The following GRM8 variants were observed in gnomAD, a reference collection of about 807,000 sequenced individuals.
The protein encoded by GRM8 is glutamate metabotropic receptor 8.
In GRM8, 47 loss-of-function variants were observed where a neutral mutation model predicts 87.2. That is an observed-to-expected ratio of 0.54 (90% CI 0.43 to 0.69). The LOEUF is 0.69. Ranked by LOEUF, GRM8 falls within the 30% of genes least tolerant of loss-of-function variation. GRM8 has a pLI of 0.00. For missense variants in GRM8, 1,019 were observed against 1,139.2 expected, an observed-to-expected ratio of 0.89 and a Z score of 1.52; for synonymous variants, 396 against 404.5, an observed-to-expected ratio of 0.98 and a Z score of 0.25.
intron 6 of GRM8, among the ~76,000 whole-genome samples, chr7:126,780,539 A>G (rs1304354170): frequency 5.9e-5 from 9 of 152,186 alleles, no homozygotes; most frequent in African/African-American, 1.9e-4. Context: ...TTGCTGTCAC[A>G]GAGTGACACT....
chr7:127,006,321 T>C lies in GRM8; in HGVS notation c.727+100175A>G, dbSNP rs17867731. 4.6e-3 allele frequency among the ~76,000 whole-genome samples: 693 copies of C among 152,136 alleles called. 2 individuals carry two copies. Among genetic ancestry groups the C allele is most frequent in the South Asian group, 0.016 (77 of 4,820 alleles). On this transcript the variant is annotated intron_variant, in intron 3 of 10. Transcript: ENST00000339582. ...TTCCTCTTCAGTTTTCCTCTCTCAA[T>C]TGGATCATTTCCATTTGCATGTAAA... is the stretch of plus-strand genomic sequence containing the variant.
At chr7:126,794,164 AT>A (rs1423821698) in intron 6 of GRM8, among the ~76,000 whole-genome samples, 12 of 151,916 alleles carry the variant, frequency 7.9e-5, no homozygotes, top group Non-Finnish European at 8.8e-5. Flanking sequence ...CACATAAAAA[AT>A]AAAATAAAAA....
At chr7:126,833,052 T>C (rs1045202394) in intron 6 of GRM8, among the ~76,000 whole-genome samples, 88 of 152,300 alleles carry the variant, frequency 5.8e-4, no homozygotes, top group African/African-American at 2.1e-3. Flanking sequence ...GTAAAGCAAA[T>C]TTAGTTAACC....
chr7:126,721,584 T>A (rs1812398556), intron 7 of GRM8, among the ~76,000 whole-genome samples: 1 of 152,168 alleles, frequency 6.6e-6, no homozygotes, highest in Admixed American at 6.6e-5. Flanking sequence ...CAATTTATTT[T>A]CACAGAACAT....
At chr7:126,994,907 G>T (rs1376477768) in intron 3 of GRM8, among the ~76,000 whole-genome samples, 1 of 152,128 alleles carries the variant, frequency 6.6e-6, no homozygotes, top group Non-Finnish European at 1.5e-5. Context: ...ATAGGTCGTA[G>T]TCAGGTAGCA....
intron 7 of GRM8, among the ~76,000 whole-genome samples, chr7:126,638,552 G>C (rs922913065): frequency 1.2e-4 from 18 of 152,316 alleles, no homozygotes; most frequent in African/African-American, 4.1e-4. Flanking sequence ...GCAGCCTAGA[G>C]TACTGGAAGG....
At chr7:126,712,794 A>G (rs1344107458) in intron 7 of GRM8, among the ~76,000 whole-genome samples, 1 of 152,234 alleles carries the variant, frequency 6.6e-6, no homozygotes. Flanking sequence ...ATATGAATAG[A>G]CACTTCTCAA....
intron 1 of GRM8, chr7:127,250,812 A>G (rs1038251189): frequency 1.3e-5 from 2 of 152,256 alleles, no homozygotes; most frequent in African/African-American, 4.8e-5. Flanking sequence ...AGTGGAAATT[A>G]CAGGCAAGTG....
chr7:127,054,822 T>C (rs1193048447), intron 3 of GRM8, among the ~76,000 whole-genome samples: 1 of 152,046 alleles, frequency 6.6e-6, no homozygotes, highest in Non-Finnish European at 1.5e-5. Flanking sequence ...TGTACAGATA[T>C]GGGTCAAGTT....
chr7:126,581,670 T>C (rs1377275401), intron 8 of GRM8, among the ~76,000 whole-genome samples: 1 of 152,132 alleles, frequency 6.6e-6, no homozygotes, highest in African/African-American at 2.4e-5. Context: ...TTTTTGCAAG[T>C]TGAATGCCGA....
chr7:127,230,885 G>A (rs1260576328), intron 2 of GRM8, among the ~76,000 whole-genome samples: 2 of 152,196 alleles, frequency 1.3e-5, no homozygotes, highest in African/African-American at 2.4e-5. Flanking sequence ...CTATAACAGA[G>A]CTGATTGAGA....
intron 7 of GRM8, among the ~76,000 whole-genome samples, chr7:126,749,105 C>T (rs1045497282): frequency 1.3e-5 from 2 of 152,006 alleles, no homozygotes; most frequent in African/African-American, 4.8e-5. Flanking sequence ...GAAACCTCGT[C>T]TCTAACCAAA....
chr7:126,574,097 T>C (rs1794912679), intron 8 of GRM8, among the ~76,000 whole-genome samples: 1 of 152,160 alleles, frequency 6.6e-6, no homozygotes, highest in Non-Finnish European at 1.5e-5. Flanking sequence ...CAAAAGAAAT[T>C]AAGAAGTAAA....
chr7:127,144,297 G>A (rs1198463811), intron 2 of GRM8, among the ~76,000 whole-genome samples: 2 of 152,104 alleles, frequency 1.3e-5, no homozygotes, highest in Non-Finnish European at 2.9e-5. Flanking sequence ...AAGCTCAGTA[G>A]GAGCAAAGAG....
intron 6 of GRM8, among the ~76,000 whole-genome samples, chr7:126,898,972 C>G (rs1801805139): frequency 6.6e-6 from 1 of 151,566 alleles, no homozygotes; most frequent in Admixed American, 6.6e-5. Flanking sequence ...ATGTTCCCCT[C>G]TCTGTGTCCA....
intron 9 of GRM8, among the ~76,000 whole-genome samples, chr7:126,446,956 G>A (rs779741236): frequency 9.2e-5 from 14 of 151,952 alleles, no homozygotes; most frequent in Middle Eastern, 3.4e-3. Flanking sequence ...AACACTTCCA[G>A]AAGGTTCTCA....
intron 7 of GRM8, among the ~76,000 whole-genome samples, chr7:126,753,651 A>T (rs1816685208): frequency 6.6e-6 from 1 of 151,882 alleles, no homozygotes; most frequent in Non-Finnish European, 1.5e-5. Flanking sequence ...TGAGGTACTT[A>T]TTAGGAGCTT....
chr7:126,586,908 A>G (rs576083359), intron 8 of GRM8, among the ~76,000 whole-genome samples: 3 of 152,322 alleles, frequency 2.0e-5, no homozygotes, highest in Admixed American at 2.0e-4. Context: ...ACAGAATAGG[A>G]GAAAATTTTT....
chr7:126,643,693 T>A (rs1342896996), intron 7 of GRM8, among the ~76,000 whole-genome samples: 2 of 152,010 alleles, frequency 1.3e-5, no homozygotes, highest in Non-Finnish European at 2.9e-5. Context: ...CAGCTGATGT[T>A]CAAGAAAAAC....
Sources: gnomAD v4.1 joint callset for allele counts (sites outside exome capture counted in the v4.1 genomes callset) on GRCh38, gnomAD v4.1.1 for gene constraint, MANE v1.5 for transcripts, NCBI Gene and HGNC (gene_info 2026-07-23, HGNC 2026-07-21) for gene names.